Variants in KCNC2 observed in about 807,000 individuals in gnomAD.
The protein encoded by KCNC2 is voltage-gated potassium channel KCNC2.
Under a neutral mutation model 44.5 loss-of-function variants are expected in KCNC2, and 21 were observed. The ratio of observed to expected loss-of-function variants is 0.47; its 90% CI spans 0.33 to 0.68. KCNC2 has a LOEUF of 0.68. KCNC2 is among the 30% of genes least tolerant of loss of function. The pLI is 0.01. For synonymous variants in KCNC2, 391 were observed against 339.1 expected (o/e 1.15, Z -1.68); for missense variants, 589 against 826.2 (o/e 0.71, Z 3.52).
At chr12:75,197,826 T>C (rs1033988005) in intron 2 of KCNC2, among the ~76,000 whole-genome samples, 1 of 151,968 alleles carries the variant, frequency 6.6e-6, no homozygotes, top group Non-Finnish European at 1.5e-5. Flanking sequence ...AAACCCAGCG[T>C]TGAAGTACAA....
chr12:75,184,149 T>C (rs1403064628), intron 2 of KCNC2, among the ~76,000 whole-genome samples: 1 of 152,216 alleles, frequency 6.6e-6, no homozygotes, highest in African/African-American at 2.4e-5. Flanking sequence ...ACACTTATAT[T>C]TGATAGTAAT....
chr12:75,107,042 C>T (rs201638906), intron 2 of KCNC2, among the ~76,000 whole-genome samples: 4 of 151,826 alleles, frequency 2.6e-5, no homozygotes, highest in Admixed American at 6.6e-5. Flanking sequence ...TGGTGGCTCA[C>T]GCCTGTAATC....
rs575228723 is a variant in KCNC2, at chr12:75,189,290, C to T, written c.687+18007G>A. Among the ~76,000 whole-genome samples the T allele has an allele frequency of 1.2e-4, 18 of 152,278 alleles. 1 individual carries two copies. The South Asian group carries it at 3.7e-3, about 32-fold the overall frequency. On this transcript the variant is annotated intron_variant, in intron 2 of 4. Transcript: ENST00000549446. Reference sequence around the variant, plus strand: ...TTCAGGAGGTGAAGAAAGTTACCACCATGGTCACGTTCTCTACAACCAGCG... The same window carrying T: ...TTCAGGAGGTGAAGAAAGTTACCACTATGGTCACGTTCTCTACAACCAGCG...
At chr12:75,044,579 T>C (rs1442256760) in intron 4 of KCNC2, 2 of 152,020 alleles carry the variant, frequency 1.3e-5, no homozygotes, top group African/African-American at 4.8e-5. Context: ...TATCTGATTA[T>C]TTTATGTATG....
intron 2 of KCNC2, among the ~76,000 whole-genome samples, chr12:75,066,811 A>G (rs1379765687): frequency 6.6e-6 from 1 of 152,226 alleles, no homozygotes; most frequent in East Asian, 1.9e-4. Context: ...ATGTATTCCA[A>G]CTGTGTTTGA....
intron 2 of KCNC2, among the ~76,000 whole-genome samples, chr12:75,196,605 C>A (rs1330696115): frequency 6.6e-6 from 1 of 151,940 alleles, no homozygotes; most frequent in East Asian, 1.9e-4. Context: ...CTCCCTGGTC[C>A]AGATGAGAAA....
intron 2 of KCNC2, among the ~76,000 whole-genome samples, chr12:75,180,280 A>G (rs897759419): frequency 6.6e-6 from 1 of 151,778 alleles, no homozygotes; most frequent in African/African-American, 2.4e-5. Flanking sequence ...GTATAAATCA[A>G]ATTTTTATCA....
At chr12:75,142,514 A>C (rs1889726532) in intron 2 of KCNC2, among the ~76,000 whole-genome samples, 1 of 152,210 alleles carries the variant, frequency 6.6e-6, no homozygotes, top group Non-Finnish European at 1.5e-5. Context: ...TGCAAGACTT[A>C]GTGGCTTACA....
intron 2 of KCNC2, among the ~76,000 whole-genome samples, chr12:75,057,230 C>G (rs1012383141): frequency 7.9e-5 from 12 of 151,906 alleles, no homozygotes; most frequent in Non-Finnish European, 1.5e-4. Context: ...ACCATAAACT[C>G]AGCTGATGGT....
rs12314957 is a variant in KCNC2, at chr12:75,046,562, C to T, written c.1780+1591G>A. Among the ~76,000 whole-genome samples, 1,236 of 151,756 alleles carry T rather than the reference C, an allele frequency of 8.1e-3. 16 individuals carry two copies. Among genetic ancestry groups the T allele is most frequent in the African/African-American group, 0.028 (1,167 of 41,486 alleles). ...ATTGCATATAGTGATTTAAGATATT[C>T]AATGCACTTGGAACAGCATGTTCTA... is the stretch of plus-strand genomic sequence containing the variant. On this transcript the variant is annotated intron_variant, in intron 4 of 4. Transcript: ENST00000549446.
chr12:75,140,595 C>T (rs1889576971), intron 2 of KCNC2, among the ~76,000 whole-genome samples: 1 of 151,840 alleles, frequency 6.6e-6, no homozygotes, highest in African/African-American at 2.4e-5. Flanking sequence ...AAATATCCTT[C>T]AAGGTTTATG....
At chr12:75,054,697 G>A (rs2136960182) in intron 2 of KCNC2, among the ~76,000 whole-genome samples, 1 of 152,222 alleles carries the variant, frequency 6.6e-6, no homozygotes, top group South Asian at 2.1e-4. Context: ...AAACACAGAA[G>A]AGTCATAAAA....
At chr12:75,043,423 T>C (rs10785167) in intron 4 of KCNC2, 182 bp from the exon 5 acceptor site, 881,504 of 1,344,428 alleles carry the variant, frequency 0.66, 290,860 homozygotes, top group Non-Finnish European at 0.67. Flanking sequence ...GTTGCCATTT[T>C]GAAAAGATTA....
intron 2 of KCNC2, among the ~76,000 whole-genome samples, chr12:75,108,438 C>T (rs1471727484): frequency 2.6e-5 from 4 of 152,154 alleles, no homozygotes; most frequent in African/African-American, 7.2e-5. Flanking sequence ...CTTGCATTGC[C>T]AGATTAGGAG....
chr12:75,197,098 C>T (rs2030836121), intron 2 of KCNC2, among the ~76,000 whole-genome samples: 1 of 151,992 alleles, frequency 6.6e-6, no homozygotes, highest in Non-Finnish European at 1.5e-5. Context: ...CTGAGTTGCA[C>T]AATTTTAGTC....
chr12:75,051,210 G>A lies in KCNC2; in HGVS notation c.795C>T (p.Ile265=). 6.2e-7 allele frequency: 1 copy of A among 1,612,976 alleles called. No individual in the cohort carries two copies. Among genetic ancestry groups the A allele is most frequent in the Non-Finnish European group, 8.5e-7 (1 of 1,179,086 alleles). The change falls in exon 3 of 5, where the codon ATC becomes ATT. Residue 265 remains isoleucine, a synonymous_variant. Transcript: ENST00000549446. The part of the protein sequence containing the change: ...NIVKNKTEPV[I]NGTSVVLQYE... Reference sequence around the variant, plus strand: ...ACTGTAGAACAACACTTGTGCCATTGATGACTGGTTCTGTCTTGTTTTTAA... The same window carrying A: ...ACTGTAGAACAACACTTGTGCCATTAATGACTGGTTCTGTCTTGTTTTTAA...
intron 2 of KCNC2, among the ~76,000 whole-genome samples, chr12:75,079,831 T>C (rs896906266): frequency 6.6e-6 from 1 of 152,126 alleles, no homozygotes; most frequent in Non-Finnish European, 1.5e-5. Context: ...ATTTTGGACA[T>C]AGACAAAAAA....
At chr12:75,057,838 G>A (rs529780105) in intron 2 of KCNC2, among the ~76,000 whole-genome samples, 2 of 151,766 alleles carry the variant, frequency 1.3e-5, no homozygotes, top group South Asian at 2.1e-4. Context: ...TGAGACAGAT[G>A]TGGTCCCTGA....
chr12:75,207,222 T>A lies in KCNC2; in HGVS notation c.687+75A>T, dbSNP rs1453639893. 6.7e-7 allele frequency: 1 copy of A among 1,487,974 alleles called. No homozygotes were observed. The highest frequency in any genetic ancestry group is 2.5e-5 in the East Asian group (1 of 39,862). The allele number at this position is 1,487,974 out of a possible 1,614,324, so 92.2% of individuals were successfully genotyped here. ...ACCCCCCATGCCTGAGGCCCTGGGG[T>A]GGAAAAGAACAGAAAGTTGGGGAGG... On this transcript the variant is annotated intron_variant, in intron 2 of 4. Coordinates refer to ENST00000549446, the MANE Select transcript of KCNC2 (RefSeq NM_139137.4). The surrounding 1 kb of genome is among the most constrained non-coding windows in gnomAD (Gnocchi z 4.1).
Sources: allele counts gnomAD v4.1 joint callset (sites outside exome capture counted in the v4.1 genomes callset), GRCh38; gene constraint gnomAD v4.1.1; non-coding constraint Gnocchi (gnomAD v3.1); transcripts MANE v1.5; gene names NCBI Gene and HGNC (gene_info 2026-07-23, HGNC 2026-07-21).